The following NRIP1 variants were observed in gnomAD, a reference collection of about 807,000 sequenced individuals.
NRIP1 encodes nuclear receptor interacting protein 1.
Under a neutral mutation model 75.0 loss-of-function variants are expected in NRIP1, and 28 were observed. The observed-to-expected ratio is 0.37, with a 90% CI of 0.28 to 0.51. The LOEUF (loss-of-function observed/expected upper bound fraction) is 0.51, where lower values mean the gene tolerates loss of function less well. Among genes scored for constraint, NRIP1 ranks in the 20% least tolerant of loss-of-function variants. NRIP1 has a pLI of 0.92. For missense variants in NRIP1, 1,435 were observed against 1,343.7 expected (o/e 1.07, Z -1.06); for synonymous variants, 526 against 487.6 (o/e 1.08, Z -1.04).
intron 3 of NRIP1, among the ~76,000 whole-genome samples, chr21:15,007,266 G>A (rs1055024669): frequency 2.6e-5 from 4 of 152,220 alleles, no homozygotes; most frequent in Non-Finnish European, 5.9e-5. Flanking sequence ...CTGTAGATCA[G>A]TTAGTGCACT....
At chr21:15,016,648 G>C (rs913594663) in intron 2 of NRIP1, among the ~76,000 whole-genome samples, 2 of 152,182 alleles carry the variant, frequency 1.3e-5, no homozygotes, top group South Asian at 2.1e-4. Context: ...ACTTTGGGAA[G>C]CCGAAATGGG....
Position 14,963,490 on chromosome 21 carries a change from G to A in NRIP1, c.*1226C>T, listed in dbSNP as rs188900582. 8.5e-5 allele frequency: 13 copies of A among 152,586 alleles called. No homozygotes were observed. The East Asian group carries it at 1.5e-3, about 18-fold the overall frequency. The allele number at this position is 152,586 out of a possible 1,614,324, so 9.5% of individuals were successfully genotyped here. On this transcript the variant is annotated 3_prime_UTR_variant, in exon 4 of 4. Transcript: ENST00000318948. ...TGAACCCGATTTCCAAAGACATAAC[G>A]GTAATATATGAACTACAATATTGCA... is the stretch of plus-strand genomic sequence containing the variant.
At chr21:15,027,507 G>A (rs932613239) in intron 2 of NRIP1, among the ~76,000 whole-genome samples, 1 of 152,110 alleles carries the variant, frequency 6.6e-6, no homozygotes, top group Non-Finnish European at 1.5e-5. Flanking sequence ...AACCAAAGGA[G>A]TATATAAAGA....
chr21:14,985,379 A>C (rs2147040328), intron 3 of NRIP1, among the ~76,000 whole-genome samples: 1 of 152,352 alleles, frequency 6.6e-6, no homozygotes, highest in South Asian at 2.1e-4. Flanking sequence ...CACAAAATTA[A>C]AGAATAAAAA....
intron 1 of NRIP1, among the ~76,000 whole-genome samples, chr21:15,055,313 C>T (rs948474296): frequency 2.0e-5 from 3 of 152,204 alleles, no homozygotes; most frequent in Non-Finnish European, 2.9e-5. Context: ...GTATCTGGCT[C>T]TCTTTGTCTG....
chr21:14,989,034 T>G (rs1295608167), intron 3 of NRIP1, among the ~76,000 whole-genome samples: 4 of 152,182 alleles, frequency 2.6e-5, no homozygotes, highest in Admixed American at 6.5e-5. Context: ...ACCAGGTTCC[T>G]GAAGAGTTCG....
intron 3 of NRIP1, among the ~76,000 whole-genome samples, chr21:15,012,474 AGACG>A (rs1411954410): frequency 4.2e-3 from 23 of 5,532 alleles, no homozygotes; most frequent in Non-Finnish European, 0.011. Flanking sequence ...TTTTTTTTTG[AGACG>A]GAGTCTTTCT....
intron 2 of NRIP1, among the ~76,000 whole-genome samples, chr21:15,018,940 A>T (rs2088301605): frequency 1.3e-5 from 2 of 151,988 alleles, no homozygotes; most frequent in Admixed American, 1.3e-4. Flanking sequence ...TCCACTATTA[A>T]TTATTATACA....
At chr21:15,014,047 T>C (rs1364114306) in intron 3 of NRIP1, among the ~76,000 whole-genome samples, 1 of 152,236 alleles carries the variant, frequency 6.6e-6, no homozygotes, top group African/African-American at 2.4e-5. Flanking sequence ...CCAGAAGTAA[T>C]CTACACACTG....
intron 1 of NRIP1, among the ~76,000 whole-genome samples, chr21:15,053,968 A>G (rs1224358462): frequency 1.3e-5 from 2 of 152,214 alleles, no homozygotes; most frequent in African/African-American, 4.8e-5. Context: ...ATTTTAAAAT[A>G]AATTTCTCGT....
intron 3 of NRIP1, among the ~76,000 whole-genome samples, chr21:14,985,436 G>A (rs537467421): frequency 1.5e-4 from 23 of 152,122 alleles, no homozygotes; most frequent in African/African-American, 5.5e-4. Flanking sequence ...AAACATGCGT[G>A]ACTAATATTA....
chr21:15,000,317 G>C (rs867886638), intron 3 of NRIP1, among the ~76,000 whole-genome samples: 1 of 152,164 alleles, frequency 6.6e-6, no homozygotes, highest in Non-Finnish European at 1.5e-5. Flanking sequence ...GGTGAGAGGG[G>C]AAGGTGGTTG....
At chr21:15,059,762 T>TC (rs2089383842) in intron 1 of NRIP1, among the ~76,000 whole-genome samples, 1 of 152,170 alleles carries the variant, frequency 6.6e-6, no homozygotes, top group African/African-American at 2.4e-5. Flanking sequence ...ACTAAGAGGA[T>TC]CCTTTTTTTC....
intron 2 of NRIP1, among the ~76,000 whole-genome samples, chr21:15,041,306 G>A (rs933909159): frequency 6.6e-6 from 1 of 152,052 alleles, no homozygotes; most frequent in Non-Finnish European, 1.5e-5. Context: ...AGTAAAAGAC[G>A]CCAAAGACTA....
chr21:14,963,346 A>C lies in NRIP1; in HGVS notation c.*1370T>G, dbSNP rs768499701. 6.6e-6 allele frequency: 1 copy of C among 152,484 alleles called. No individual in the cohort carries two copies. The highest frequency in any genetic ancestry group is 1.5e-5 in the Non-Finnish European group (1 of 67,956). The allele number at this position is 152,484 out of a possible 1,614,324, so 9.4% of individuals were successfully genotyped here. On this transcript the variant is annotated 3_prime_UTR_variant, in exon 4 of 4. Coordinates refer to ENST00000318948, the MANE Select transcript of NRIP1 (RefSeq NM_003489.4). ...TAAGTGGCCCTGTTTTTCCATCCCT[A>C]AGGCTAACTAAGTAGATGTTACTCA... is the stretch of plus-strand genomic sequence containing the variant.
intron 3 of NRIP1, among the ~76,000 whole-genome samples, chr21:14,991,655 A>G (rs1372624242): frequency 1.3e-5 from 2 of 152,120 alleles, no homozygotes; most frequent in Non-Finnish European, 2.9e-5. Flanking sequence ...AATTTTTGCC[A>G]TTGAGTTTTA....
At chr21:14,976,500 AG>A (rs1337003889) in intron 3 of NRIP1, among the ~76,000 whole-genome samples, 1 of 152,172 alleles carries the variant, frequency 6.6e-6, no homozygotes, top group Non-Finnish European at 1.5e-5. Context: ...ATTTTTTTAG[AG>A]CTTTTTAAAT....
chr21:14,982,121 A>T (rs748580312), intron 3 of NRIP1, among the ~76,000 whole-genome samples: 1 of 152,150 alleles, frequency 6.6e-6, no homozygotes, highest in East Asian at 1.9e-4. Context: ...AAGTGTTGAG[A>T]TTACAGGCAT....
Position 15,025,372 on chromosome 21 carries a change from C to T in NRIP1, c.-457-10906G>A, listed in dbSNP as rs568216967. Among the ~76,000 whole-genome samples the T allele has an allele frequency of 3.3e-5, 5 of 152,124 alleles. No individual in the cohort carries two copies. The East Asian group carries it at 9.7e-4, about 29-fold the overall frequency. ...AGATATCAGTATGATCAAGGGATGA[C>T]ATGTCAAAAAGATACTGAAGGGGGT... is the stretch of plus-strand genomic sequence containing the variant. On this transcript the variant is annotated intron_variant, in intron 2 of 3. Transcript: ENST00000318948.
Sources: gnomAD v4.1 joint callset for allele counts (sites outside exome capture counted in the v4.1 genomes callset) on GRCh38, gnomAD v4.1.1 for gene constraint, MANE v1.5 for transcripts, NCBI Gene and HGNC (gene_info 2026-07-23, HGNC 2026-07-21) for gene names.